The following DYRK4 variants were observed in gnomAD, a reference collection of about 807,000 sequenced individuals.
The protein encoded by DYRK4 is dual specificity tyrosine phosphorylation regulated kinase 4, also known as dual specificity tyrosine-phosphorylation-regulated kinase 4.
A neutral mutation model predicts 68.3 loss-of-function variants in DYRK4; 64 were observed. The ratio of observed to expected loss-of-function variants is 0.94; its 90% CI spans 0.77 to 1.15. The LOEUF is 1.15. Among genes scored for constraint, DYRK4 ranks in the 50% most tolerant of loss-of-function variants. The pLI is 0.00. For synonymous variants in DYRK4, 274 were observed against 289.9 expected, an observed-to-expected ratio of 0.95 and a Z score of 0.56; for missense variants, 740 against 764.7, an observed-to-expected ratio of 0.97 and a Z score of 0.38.
intron 9 of DYRK4, chr12:4,599,498 G>A: frequency 1.7e-6 from 1 of 573,578 alleles, no homozygotes; most frequent in Non-Finnish European, 3.1e-6. Flanking sequence ...GTGCAAAGCA[G>A]TGACTATGAG....
intron 2 of DYRK4, among the ~76,000 whole-genome samples, chr12:4,583,840 A>G (rs892875622): frequency 2.0e-5 from 3 of 152,196 alleles, no homozygotes; most frequent in African/African-American, 7.2e-5. Flanking sequence ...CTCCTGAGAC[A>G]CGCAGCAAAT....
At chr12:4,585,558 C>T (rs1944887776) in intron 2 of DYRK4, among the ~76,000 whole-genome samples, 1 of 151,916 alleles carries the variant, frequency 6.6e-6, no homozygotes, top group African/African-American at 2.4e-5. Flanking sequence ...TGTTCTCACT[C>T]ACAGGTGGGA....
chr12:4,608,096 C>T (rs989360878), intron 12 of DYRK4, among the ~76,000 whole-genome samples: 3 of 152,158 alleles, frequency 2.0e-5, no homozygotes, highest in African/African-American at 4.8e-5. Flanking sequence ...GGGCTTTCAA[C>T]GTACACGCAC....
rs1188739714 is a variant in DYRK4 at position 4,591,428 on chromosome 12, G to T, written c.463+130G>T. On this transcript the variant is annotated intron_variant, in intron 5 of 14. Transcript: ENST00000543431. The surrounding 1 kb of genome is among the most constrained non-coding windows in gnomAD (Gnocchi z 4.1). The stretch of plus-strand genomic sequence containing the variant: ...GTCAAAGAAGGCAGCCAGCCAAGAG[G>T]AAAGTAGAAGTTAAGCGTTGAACCT... 15 of 1,306,838 alleles carry T rather than the reference G, an allele frequency of 1.1e-5. No homozygotes were observed. The highest frequency in any genetic ancestry group is 1.1e-4 in the South Asian group (7 of 63,720). The allele number at this position is 1,306,838 out of a possible 1,614,324, so 81.0% of individuals were successfully genotyped here. A position where few individuals can be genotyped will look rare whatever the true frequency, so the allele number is the denominator to read the frequency against.
intron 2 of DYRK4, among the ~76,000 whole-genome samples, chr12:4,582,653 G>A (rs185803770): frequency 5.9e-5 from 9 of 152,214 alleles, no homozygotes; most frequent in East Asian, 5.8e-4. Flanking sequence ...GCTATGGCTG[G>A]GGCCCAAATG....
intron 1 of DYRK4, among the ~76,000 whole-genome samples, chr12:4,563,684 A>C (rs1228613503): frequency 6.6e-6 from 1 of 152,242 alleles, no homozygotes; most frequent in Non-Finnish European, 1.5e-5. Flanking sequence ...GTGCCATCAC[A>C]TGAAGAGAGG....
chr12:4,562,881 T>G (rs1944642583), intron 1 of DYRK4, among the ~76,000 whole-genome samples: 1 of 152,200 alleles, frequency 6.6e-6, no homozygotes, highest in African/African-American at 2.4e-5. Context: ...AGCAAATCTT[T>G]CCTTAAAAAA....
rs138577409 is a variant in DYRK4, at chr12:4,599,133, G to A, written c.1011G>A (p.Ser337=). The A allele has an allele frequency of 3.4e-4, 546 of 1,614,014 alleles. 2 individuals carry two copies. In the African/African-American group the frequency reaches 6.5e-3, roughly 19 times the overall value. The stretch of plus-strand genomic sequence containing the variant: ...TTTTGAAGTGCTTGCAGATGCTTTC[G>A]GTAGAGAAAATCATTCACTGTGATC... ...LSVLKCLQML[S]VEKIIHCDLK... The change falls in exon 9 of 15, where the codon TCG becomes TCA. Residue 337 remains serine (S), a synonymous_variant. Coordinates refer to ENST00000543431, the MANE Select transcript of DYRK4 (RefSeq NM_001394779.1).
chr12:4,566,637 G>A (rs1047124546), intron 1 of DYRK4, among the ~76,000 whole-genome samples: 6 of 152,228 alleles, frequency 3.9e-5, no homozygotes, highest in Admixed American at 1.3e-4. Flanking sequence ...TGGATAAGGA[G>A]TTTTCTTTGA....
chr12:4,605,235 G>A (rs1284095992), intron 11 of DYRK4, 149 bp downstream of exon 11: 1 of 636,422 alleles, frequency 1.6e-6, no homozygotes, highest in Non-Finnish European at 2.6e-6. Context: ...TTTTGAAATT[G>A]TGTACTCCCT....
At chr12:4,578,607 C>G (rs11063246) in intron 2 of DYRK4, among the ~76,000 whole-genome samples, 20,763 of 152,178 alleles carry the variant, frequency 0.14, 3,237 homozygotes, top group African/African-American at 0.38. Context: ...GGAAATATAA[C>G]TATTTGGAAA....
At chr12:4,577,095 TTTC>T (rs1265315069) in intron 2 of DYRK4, among the ~76,000 whole-genome samples, 1 of 149,560 alleles carries the variant, frequency 6.7e-6, no homozygotes, top group Non-Finnish European at 1.5e-5. Flanking sequence ...TCACCTAGAT[TTTC>T]TTCTATGTCA....
intron 2 of DYRK4, among the ~76,000 whole-genome samples, chr12:4,575,112 G>C (rs1341928365): frequency 6.6e-6 from 1 of 152,216 alleles, no homozygotes; most frequent in East Asian, 1.9e-4. Context: ...ATTCCCAGGA[G>C]GGGAACCGCT....
intron 2 of DYRK4, chr12:4,580,746 T>TA: frequency 2.2e-6 from 1 of 445,826 alleles, no homozygotes; most frequent in South Asian, 1.6e-5. Context: ...TGTGAGCTGA[T>TA]ATCACAGAAG....
intron 2 of DYRK4, among the ~76,000 whole-genome samples, chr12:4,569,156 A>G (rs1221071480): frequency 6.6e-6 from 1 of 152,208 alleles, no homozygotes; most frequent in Non-Finnish European, 1.5e-5. Flanking sequence ...ACCCTAATAC[A>G]AAGTCCTTTG....
In DYRK4 at chr12:4,568,042, T is replaced by C; in HGVS notation, c.126T>C (p.Ser42=). 1.3e-6 allele frequency: 2 copies of C among 1,536,050 alleles called. No individual in the cohort carries two copies. The highest frequency in any genetic ancestry group is 1.7e-6 in the Non-Finnish European group (2 of 1,146,840). ...LKARKKQKFT[S]AKVGSKLSVQ... is the part of the protein sequence containing the mutation. ...CAAGAAAGAAACAAAAGTTCACCTC[T>C]GCGAAGGTAAAGATCCTTGAATTTT... The change falls in exon 2 of 15, where the codon TCT becomes TCC. Residue 42 remains serine (S), a synonymous_variant. Coordinates refer to ENST00000543431, the MANE Select transcript of DYRK4 (RefSeq NM_001394779.1).
chr12:4,583,778 T>C (rs1944867191), intron 2 of DYRK4, among the ~76,000 whole-genome samples: 2 of 151,978 alleles, frequency 1.3e-5, no homozygotes, highest in East Asian at 1.9e-4. Context: ...CCCTGTGACA[T>C]CATACAAAGA....
At chr12:4,593,908 G>T (rs1331444053) in intron 6 of DYRK4, among the ~76,000 whole-genome samples, 2 of 152,180 alleles carry the variant, frequency 1.3e-5, no homozygotes, top group African/African-American at 4.8e-5. Context: ...CAGCATTTAG[G>T]GCTGTGTTTG....
At chr12:4,573,041 C>G (rs150944773) in intron 2 of DYRK4, 1 of 298,864 alleles carries the variant, frequency 3.3e-6, no homozygotes, top group Non-Finnish European at 6.5e-6. Context: ...GAAGAGACAG[C>G]AAACAGCAGA....
Sources: gnomAD v4.1 joint callset for allele counts (sites outside exome capture counted in the v4.1 genomes callset) on GRCh38, gnomAD v4.1.1 for gene constraint, Gnocchi (gnomAD v3.1) non-coding constraint, MANE v1.5 for transcripts, NCBI Gene and HGNC (gene_info 2026-07-23, HGNC 2026-07-21) for gene names.